TRIO: variants seen among roughly 807,000 people sequenced by gnomAD.
TRIO encodes triple functional domain protein.
TRIO carries 58 observed loss-of-function variants against 351.9 expected under a neutral mutation model. The observed-to-expected ratio is 0.16, with a 90% CI of 0.13 to 0.21. The LOEUF (loss-of-function observed/expected upper bound fraction) is 0.21. Ranked by LOEUF, TRIO falls within the 10% of genes least tolerant of loss-of-function variation. TRIO has a pLI of 1.00. For synonymous variants in TRIO, 1,758 were observed against 1,595.7 expected, an observed-to-expected ratio of 1.10 and a Z score of -2.42; for missense variants, 3,201 against 4,027.8, an observed-to-expected ratio of 0.79 and a Z score of 5.56.
At chr5:14,501,809 G>C (rs1327253090) in intron 53 of TRIO, among the ~76,000 whole-genome samples, 1 of 152,192 alleles carries the variant, frequency 6.6e-6, no homozygotes, top group Non-Finnish European at 1.5e-5. Context: ...GGGAGAGGAG[G>C]CTGGATGAGT....
At chr5:14,173,849 G>A (rs574304495) in intron 1 of TRIO, among the ~76,000 whole-genome samples, 27 of 152,340 alleles carry the variant, frequency 1.8e-4, no homozygotes, top group African/African-American at 5.8e-4. Context: ...AATTAGAAGC[G>A]TCTGTCTCTG....
chr5:14,457,162 A>G (rs1217271167), intron 34 of TRIO, among the ~76,000 whole-genome samples: 1 of 152,230 alleles, frequency 6.6e-6, no homozygotes, highest in Non-Finnish European at 1.5e-5. Flanking sequence ...AATTTTTTAA[A>G]TTCCACAAAA....
intron 1 of TRIO, among the ~76,000 whole-genome samples, chr5:14,178,298 GAA>G (rs574723569): frequency 1.2e-4 from 19 of 152,282 alleles, no homozygotes; most frequent in African/African-American, 3.6e-4. Flanking sequence ...AAAAAGGGGA[GAA>G]AATGAATAAT....
chr5:14,429,191 A>G (rs1750894249), intron 34 of TRIO, among the ~76,000 whole-genome samples: 1 of 152,186 alleles, frequency 6.6e-6, no homozygotes, highest in Non-Finnish European at 1.5e-5. Context: ...ACAATCATAT[A>G]ATTCCGCAGG....
At chr5:14,291,923 T>C (rs996828156) in intron 5 of TRIO, among the ~76,000 whole-genome samples, 2 of 151,890 alleles carry the variant, frequency 1.3e-5, no homozygotes, top group African/African-American at 2.4e-5. Context: ...AGTTTCTGGG[T>C]AATATAGTTG....
chr5:14,371,011 A>G (rs909858079), intron 18 of TRIO, among the ~76,000 whole-genome samples: 4 of 152,236 alleles, frequency 2.6e-5, no homozygotes, highest in African/African-American at 7.2e-5. Flanking sequence ...TGCATTGAGT[A>G]GAACCTGTAC....
intron 1 of TRIO, among the ~76,000 whole-genome samples, chr5:14,157,092 C>T (rs976192302): frequency 6.6e-5 from 10 of 150,442 alleles, no homozygotes; most frequent in African/African-American, 1.5e-4. Flanking sequence ...ATGGGTCGAG[C>T]GGACCTTTCT....
intron 1 of TRIO, among the ~76,000 whole-genome samples, chr5:14,247,908 A>C (rs1361698396): frequency 2.6e-5 from 4 of 152,060 alleles, no homozygotes. Flanking sequence ...TCTACTAAAC[A>C]TACAAAAATT....
At chr5:14,422,529 G>A (rs1359822192) in intron 34 of TRIO, among the ~76,000 whole-genome samples, 1 of 152,172 alleles carries the variant, frequency 6.6e-6, no homozygotes, top group African/African-American at 2.4e-5. Context: ...TTTAAGGATT[G>A]CAATGAGTCT....
chr5:14,267,798 A>C (rs1039275292), intron 1 of TRIO, among the ~76,000 whole-genome samples: 4 of 152,250 alleles, frequency 2.6e-5, no homozygotes, highest in Non-Finnish European at 4.4e-5. Context: ...GATCTAAAAT[A>C]ATACCTAAGT....
chr5:14,304,624 C>G (rs770065221), intron 8 of TRIO, 32 bp downstream of exon 8: 1 of 1,591,912 alleles, frequency 6.3e-7, no homozygotes, highest in Non-Finnish European at 8.5e-7. Context: ...CATTGCAAAG[C>G]AGCATCATTT....
At chr5:14,300,741 T>A (rs1178238097) in intron 7 of TRIO, among the ~76,000 whole-genome samples, 1 of 152,202 alleles carries the variant, frequency 6.6e-6, no homozygotes, top group African/African-American at 2.4e-5. Context: ...TGGCCATGTT[T>A]CCCAAGCTAG....
chr5:14,162,539 T>A (rs1219737585), intron 1 of TRIO, among the ~76,000 whole-genome samples: 2 of 152,204 alleles, frequency 1.3e-5, no homozygotes, highest in African/African-American at 2.4e-5. Context: ...CACAGTGTGG[T>A]ATGTGAAAGC....
intron 33 of TRIO, 66 bp downstream of exon 33, chr5:14,406,738 C>T (rs538023094): frequency 2.0e-6 from 3 of 1,492,142 alleles, no homozygotes; most frequent in East Asian, 2.3e-5. Flanking sequence ...AAGCAGCCCC[C>T]TCCTTTCTGT....
intron 34 of TRIO, among the ~76,000 whole-genome samples, chr5:14,454,559 A>G (rs1398905194): frequency 2.6e-5 from 4 of 152,232 alleles, no homozygotes; most frequent in Non-Finnish European, 5.9e-5. Flanking sequence ...GCATAGGCTG[A>G]GAAATAATAG....
chr5:14,436,588 C>T (rs1426575707), intron 34 of TRIO, among the ~76,000 whole-genome samples: 1 of 152,214 alleles, frequency 6.6e-6, no homozygotes, highest in Admixed American at 6.5e-5. Flanking sequence ...TCCCTTCCAC[C>T]TATGAGCCTG....
chr5:14,263,488 T>C (rs1795476369), intron 1 of TRIO, among the ~76,000 whole-genome samples: 1 of 152,246 alleles, frequency 6.6e-6, no homozygotes, highest in Non-Finnish European at 1.5e-5. Context: ...TTTTTTCTTT[T>C]TCTTTGTCTG....
intron 11 of TRIO, among the ~76,000 whole-genome samples, chr5:14,340,230 A>G (rs1300210930): frequency 6.6e-6 from 1 of 152,022 alleles, no homozygotes; most frequent in Non-Finnish European, 1.5e-5. Context: ...CCCCGTCTCT[A>G]CTAAAAATAC....
intron 31 of TRIO, among the ~76,000 whole-genome samples, chr5:14,402,441 G>A (rs561786124): frequency 2.0e-5 from 3 of 152,338 alleles, no homozygotes; most frequent in East Asian, 1.9e-4. Flanking sequence ...TAAAGGAAAC[G>A]ATGTTCTCAT....
Sources: gnomAD v4.1 joint callset for allele counts (sites outside exome capture counted in the v4.1 genomes callset) on GRCh38, gnomAD v4.1.1 for gene constraint, MANE v1.5 for transcripts, NCBI Gene and HGNC (gene_info 2026-07-23, HGNC 2026-07-21) for gene names.